Variants in TTC21B observed in about 807,000 individuals in gnomAD.
The protein encoded by TTC21B is tetratricopeptide repeat domain 21B.
Under a neutral mutation model 175.1 loss-of-function variants are expected in TTC21B, and 127 were observed. That is an observed-to-expected ratio of 0.73 (90% CI 0.63 to 0.84). TTC21B has a LOEUF of 0.84. TTC21B is among the 40% of genes least tolerant of loss of function. The pLI is 0.00. For missense variants in TTC21B, 1,561 were observed against 1,558.3 expected (o/e 1.00, Z -0.03); for synonymous variants, 524 against 524.5 (o/e 1.00, Z 0.01).
intron 25 of TTC21B, among the ~76,000 whole-genome samples, chr2:165,884,416 T>C (rs1684939829): frequency 1.3e-5 from 2 of 152,202 alleles, no homozygotes; most frequent in Non-Finnish European, 2.9e-5. Flanking sequence ...TTAGGCTCCT[T>C]AGTTCTTTCA....
chr2:165,929,460 C>T (rs1054941291), intron 10 of TTC21B, 125 bp from the exon 11 acceptor site: 43 of 939,320 alleles, frequency 4.6e-5, no homozygotes, highest in Non-Finnish European at 6.5e-5. Flanking sequence ...CAAGTATTAG[C>T]TTGAATAGAC....
At position 165,874,542 on chromosome 2, in the gene TTC21B, C is replaced by CA. The variant is rs1441644200; in HGVS notation, c.*212dup. On this transcript the variant is annotated 3_prime_UTR_variant, in exon 29 of 29. Transcript: ENST00000243344. ...TCACCAAATCTGTACCCAATCAAAACAGAGTCAAATAGACCAGCTCTCATT... is the reference window on the plus strand; with the variant it reads ...TCACCAAATCTGTACCCAATCAAAACAAGAGTCAAATAGACCAGCTCTCATT... 5.8e-6 allele frequency: 3 copies of CA among 521,318 alleles called. No individual in the cohort carries two copies. Among genetic ancestry groups the CA allele is most frequent in the African/African-American group, 5.8e-5 (3 of 52,158 alleles). The allele number at this position is 521,318 out of a possible 1,614,324, so 32.3% of individuals were successfully genotyped here.
intron 28 of TTC21B, among the ~76,000 whole-genome samples, chr2:165,875,092 G>C (rs1479140698): frequency 6.6e-6 from 1 of 152,028 alleles, no homozygotes; most frequent in Non-Finnish European, 1.5e-5. Flanking sequence ...TAGATGAATT[G>C]TATAAAACAA....
At chr2:165,940,530 T>C (rs1458226181) in intron 6 of TTC21B, among the ~76,000 whole-genome samples, 1 of 152,194 alleles carries the variant, frequency 6.6e-6, no homozygotes, top group African/African-American at 2.4e-5. Context: ...TCGGGGACTC[T>C]GCATTTGCTT....
At position 165,953,670 on chromosome 2, in the gene TTC21B, C is replaced by CGCTCACCCGCTCACCT; in HGVS notation, c.20_21+14dup. The CGCTCACCCGCTCACCT allele has an allele frequency of 2.6e-6, 4 of 1,547,742 alleles. No individual in the cohort carries two copies. Among genetic ancestry groups the CGCTCACCCGCTCACCT allele is most frequent in the Non-Finnish European group, 3.5e-6 (4 of 1,146,494 alleles). On this transcript the variant is annotated intron_variant, in intron 1 of 28. Transcript: ENST00000243344. The stretch of plus-strand genomic sequence containing the variant: ...CCGCCCGCCCGCTCACCCGCTCACC[C>CGCTCACCCGCTCACCT]GCTCACCCGCTCACCTTCAATTCCT...
chr2:165,896,058 C>A (rs1170113645), intron 22 of TTC21B, among the ~76,000 whole-genome samples: 1 of 152,086 alleles, frequency 6.6e-6, no homozygotes, highest in Admixed American at 6.5e-5. Flanking sequence ...AGGTAGCCTG[C>A]AGAGCATATC....
chr2:165,926,062 A>G (rs1251757287), intron 11 of TTC21B, among the ~76,000 whole-genome samples: 2 of 152,226 alleles, frequency 1.3e-5, no homozygotes, highest in Non-Finnish European at 2.9e-5. Context: ...AATTATGTCT[A>G]TAAAACGGTC....
At chr2:165,894,920 G>A (rs1399825223) in intron 22 of TTC21B, among the ~76,000 whole-genome samples, 1 of 152,034 alleles carries the variant, frequency 6.6e-6, no homozygotes, top group Non-Finnish European at 1.5e-5. Flanking sequence ...CGAGGATTAG[G>A]GTTACCAACT....
chr2:165,949,109 T>C, intron 3 of TTC21B: 1 of 389,238 alleles, frequency 2.6e-6, no homozygotes, highest in Non-Finnish European at 4.7e-6. Flanking sequence ...GGCTGTCCTT[T>C]TTTTGTGTAA....
At position 165,920,959 on chromosome 2, in the gene TTC21B, A is replaced by G. The variant is rs926815213; in HGVS notation, c.1517-1526T>C. Among the ~76,000 whole-genome samples, 8 of 152,236 alleles carry G rather than the reference A, an allele frequency of 5.3e-5. No homozygotes were observed. The South Asian group carries it at 1.5e-3, about 28-fold the overall frequency. On this transcript the variant is annotated intron_variant, in intron 12 of 28. Transcript: ENST00000243344. ...GTCCTGTCTGTCTGTCTTTGTCAGA[A>G]TTCTGGGTAATAAAGCATTTGGCTG...
intron 26 of TTC21B, among the ~76,000 whole-genome samples, chr2:165,881,072 T>C (rs1223158681): frequency 1.3e-5 from 2 of 152,166 alleles, no homozygotes; most frequent in Non-Finnish European, 2.9e-5. Flanking sequence ...ACAGGTACAC[T>C]ATTATGAGTG....
At chr2:165,922,024 G>A (rs985745805) in intron 12 of TTC21B, among the ~76,000 whole-genome samples, 2 of 151,418 alleles carry the variant, frequency 1.3e-5, no homozygotes, top group Non-Finnish European at 2.9e-5. Context: ...TCATTCTTAC[G>A]TAGGCTGTTA....
chr2:165,940,274 C>T (rs1687317924), intron 6 of TTC21B, among the ~76,000 whole-genome samples: 1 of 152,166 alleles, frequency 6.6e-6, no homozygotes. Context: ...TTTGCCTGCT[C>T]GCCCACAGTC....
intron 3 of TTC21B, chr2:165,947,556 A>C (rs186826504): frequency 5.9e-5 from 9 of 152,026 alleles, no homozygotes; most frequent in Non-Finnish European, 1.2e-4. Context: ...TAAGAAAACA[A>C]ACAAACAAAA....
chr2:165,949,375 T>C lies in TTC21B; in HGVS notation c.262+19A>G. The C allele has an allele frequency of 1.3e-6, 2 of 1,550,054 alleles. No individual in the cohort carries two copies. The highest frequency in any genetic ancestry group is 4.5e-5 in the East Asian group (2 of 44,444). ...TGAATAGGAAAAAATGTCCTAAGCA[T>C]TGCATTTAAATATCATACCTGGATT... On this transcript the variant is annotated intron_variant, in intron 3 of 28. Transcript: ENST00000243344.
chr2:165,932,484 C>G (rs1686948902), intron 7 of TTC21B, among the ~76,000 whole-genome samples: 1 of 152,082 alleles, frequency 6.6e-6, no homozygotes, highest in Non-Finnish European at 1.5e-5. Flanking sequence ...ACTCCATGAT[C>G]CAATCTACAG....
In TTC21B at chr2:165,890,575, C is replaced by T. The variant is rs746423189; in HGVS notation, c.3167G>A (p.Gly1056Asp). The change falls in exon 24 of 29, where the codon GGC becomes GAC. Residue 1056 changes from glycine (G) to aspartate (D), a missense_variant. Physicochemically the swap from Gly to Asp is moderately conservative, Grantham distance 94. Coordinates refer to ENST00000243344, the MANE Select transcript of TTC21B (RefSeq NM_024753.5). ...TATCATATTATAAAGGGCATTTTGG[C>T]CCCAGTCACGATCTTTCCGAGCTTT... is the stretch of plus-strand genomic sequence containing the variant. ...FNKARKDRDW[G>D]QNALYNMIEI... The T allele has an allele frequency of 3.7e-6, 6 of 1,613,678 alleles. No homozygotes were observed. In the Admixed American group the frequency reaches 1.0e-4, roughly 27 times the overall value.
intron 20 of TTC21B, 138 bp from the exon 21 acceptor site, chr2:165,900,018 A>G: frequency 1.5e-6 from 1 of 669,136 alleles, no homozygotes; most frequent in East Asian, 2.7e-5. Flanking sequence ...CAAAAAAAAA[A>G]AAAAAACAAC....
intron 26 of TTC21B, among the ~76,000 whole-genome samples, chr2:165,881,753 A>G (rs994771716): frequency 2.3e-4 from 35 of 152,254 alleles, no homozygotes; most frequent in African/African-American, 8.2e-4. Context: ...ATGTTTTTGT[A>G]TATTTCTTAA....
Sources: gnomAD v4.1 joint callset for allele counts (sites outside exome capture counted in the v4.1 genomes callset) on GRCh38, gnomAD v4.1.1 for gene constraint, MANE v1.5 for transcripts, NCBI Gene and HGNC (gene_info 2026-07-23, HGNC 2026-07-21) for gene names.